The following DAB1 variants were observed in gnomAD, a reference collection of about 807,000 sequenced individuals.
DAB1 encodes the protein disabled homolog 1.
Under a neutral mutation model 64.6 loss-of-function variants are expected in DAB1, and 15 were observed. The observed-to-expected ratio is 0.23, with a 90% CI of 0.16 to 0.36. The LOEUF (loss-of-function observed/expected upper bound fraction) is 0.36. DAB1 is among the 10% of genes least tolerant of loss of function. The pLI is 1.00. For missense variants in DAB1, 596 were observed against 706.7 expected (o/e 0.84, Z 1.78); for synonymous variants, 235 against 251.9 (o/e 0.93, Z 0.64).
chr1:58,387,717 C>CTTTTTTTTTTTTTTTTT (rs57961202), intron 3 of DAB1, among the ~76,000 whole-genome samples: 2 of 102,876 alleles, frequency 1.9e-5, no homozygotes, highest in African/African-American at 3.9e-5. Context: ...TTTTTCTTTT[C>CTTTTTTTTTTTTTTTTT]TTTTCTTTTT....
At chr1:57,053,666 G>GTATATATATATATATATATATA (rs71051215) in intron 9 of DAB1, among the ~76,000 whole-genome samples, 2 of 99,192 alleles carry the variant, frequency 2.0e-5, no homozygotes, top group African/African-American at 8.6e-5. Context: ...CTCTCTATAT[G>GTATATATATATATATATATATA]TATATATATA....
chr1:57,672,673 C>A (rs1267593273), intron 6 of DAB1, among the ~76,000 whole-genome samples: 1 of 152,082 alleles, frequency 6.6e-6, no homozygotes, highest in Non-Finnish European at 1.5e-5. Context: ...GATAAAGTTG[C>A]CTTTGTTTTT....
At chr1:58,269,225 T>C (rs963639777) in intron 4 of DAB1, among the ~76,000 whole-genome samples, 8 of 148,280 alleles carry the variant, frequency 5.4e-5, no homozygotes, top group Non-Finnish European at 1.2e-4. Flanking sequence ...CCATGTGATC[T>C]CATTGTTCAA....
intron 7 of DAB1, among the ~76,000 whole-genome samples, chr1:57,493,126 ATGTG>A (rs34183580): frequency 1.4e-4 from 21 of 149,188 alleles, no homozygotes; most frequent in East Asian, 2.0e-4. Flanking sequence ...AATTGTGTGT[ATGTG>A]TGTGTGTGTG....
chr1:57,305,968 C>CAAAAAAAAAA (rs1048177276), intron 1 of DAB1, among the ~76,000 whole-genome samples: 1 of 62,292 alleles, frequency 1.6e-5, no homozygotes, highest in African/African-American at 6.7e-5. Flanking sequence ...GACTCCGTCT[C>CAAAAAAAAAA]AAAAAAAAAA....
At chr1:57,254,535 T>C (rs908073928) in intron 2 of DAB1, among the ~76,000 whole-genome samples, 1 of 152,206 alleles carries the variant, frequency 6.6e-6, no homozygotes, top group South Asian at 2.1e-4. Flanking sequence ...GTATATTTCT[T>C]GGCTTTAAAA....
At chr1:58,302,838 G>C (rs780290288) in intron 4 of DAB1, among the ~76,000 whole-genome samples, 3 of 151,932 alleles carry the variant, frequency 2.0e-5, no homozygotes, top group Non-Finnish European at 4.4e-5. Context: ...TTAAATTACT[G>C]TTTTTATCTT....
At chr1:57,653,152 C>G (rs1646275586) in intron 6 of DAB1, among the ~76,000 whole-genome samples, 1 of 152,110 alleles carries the variant, frequency 6.6e-6, no homozygotes, top group Non-Finnish European at 1.5e-5. Context: ...ATATTTGTTT[C>G]AGACCTTTTT....
chr1:58,280,499 C>T (rs1661532355), intron 4 of DAB1, among the ~76,000 whole-genome samples: 1 of 152,270 alleles, frequency 6.6e-6, no homozygotes, highest in African/African-American at 2.4e-5. Flanking sequence ...AATGCTACCT[C>T]ATAGGATTGT....
At chr1:57,373,005 C>T (rs1197990824) in intron 1 of DAB1, among the ~76,000 whole-genome samples, 2 of 128,766 alleles carry the variant, frequency 1.6e-5, no homozygotes, top group Non-Finnish European at 3.3e-5. Flanking sequence ...AGTGAGACTA[C>T]GTCTCTAGAA....
intron 5 of DAB1, among the ~76,000 whole-genome samples, chr1:58,090,462 C>T (rs971346207): frequency 6.6e-6 from 1 of 152,160 alleles, no homozygotes; most frequent in South Asian, 2.1e-4. Flanking sequence ...CTCCTCCGGG[C>T]CTATCATGCC....
At chr1:57,510,053 T>A (rs541783692) in intron 7 of DAB1, among the ~76,000 whole-genome samples, 6 of 152,360 alleles carry the variant, frequency 3.9e-5, no homozygotes, top group African/African-American at 1.4e-4. Flanking sequence ...CAAACATTCA[T>A]ATACCCACCT....
chr1:57,598,941 C>T (rs1177524859), intron 7 of DAB1, among the ~76,000 whole-genome samples: 1 of 152,118 alleles, frequency 6.6e-6, no homozygotes, highest in Admixed American at 6.5e-5. Context: ...TTCCAGGTTC[C>T]TGACAGCCAT....
At chr1:57,702,582 G>A (rs769269900) in intron 6 of DAB1, among the ~76,000 whole-genome samples, 30 of 151,944 alleles carry the variant, frequency 2.0e-4, no homozygotes, top group African/African-American at 3.4e-4. Context: ...TACTTTCTCC[G>A]TTATGCTACT....
intron 1 of DAB1, among the ~76,000 whole-genome samples, chr1:57,827,563 C>G (rs852777): frequency 0.32 from 48,329 of 152,136 alleles, 8,870 homozygotes; most frequent in Admixed American, 0.47. Flanking sequence ...AGATTTAACA[C>G]AGTGCCAGGA....
intron 5 of DAB1, among the ~76,000 whole-genome samples, chr1:57,983,973 C>A (rs77066621): frequency 2.1e-4 from 32 of 151,956 alleles, no homozygotes; most frequent in Admixed American, 1.2e-3. Context: ...AACATACACA[C>A]GCGCACATGC....
intron 7 of DAB1, among the ~76,000 whole-genome samples, chr1:57,540,083 A>G (rs1395261954): frequency 6.6e-6 from 1 of 152,218 alleles, no homozygotes; most frequent in African/African-American, 2.4e-5. Context: ...AATATCTACT[A>G]TGGGCCAAGC....
chr1:57,594,248 G>A (rs1449670364), intron 7 of DAB1, among the ~76,000 whole-genome samples: 1 of 152,218 alleles, frequency 6.6e-6, no homozygotes, highest in Non-Finnish European at 1.5e-5. Context: ...GGAACATCTG[G>A]AAATGGAAAA....
At chr1:57,847,857 A>C (rs914079951) in intron 1 of DAB1, among the ~76,000 whole-genome samples, 1 of 152,212 alleles carries the variant, frequency 6.6e-6, no homozygotes, top group Non-Finnish European at 1.5e-5. Context: ...ACTAAAAGCT[A>C]TATTAATTGA....
Sources: allele counts gnomAD v4.1 joint callset (sites outside exome capture counted in the v4.1 genomes callset), GRCh38; gene constraint gnomAD v4.1.1; transcripts MANE v1.5; gene names NCBI Gene and HGNC (gene_info 2026-07-23, HGNC 2026-07-21).